CDYL2: variants seen among roughly 807,000 people sequenced by gnomAD.
The protein encoded by CDYL2 is chromodomain Y like 2, also known as chromodomain Y-like protein 2.
Under a neutral mutation model 49.4 loss-of-function variants are expected in CDYL2, and 23 were observed. That is an observed-to-expected ratio of 0.47 (90% CI 0.34 to 0.66). The LOEUF (loss-of-function observed/expected upper bound fraction) is 0.66. CDYL2 is among the 30% of genes least tolerant of loss of function. The pLI, the probability that CDYL2 is intolerant of heterozygous loss-of-function variation, is 0.01. For synonymous variants in CDYL2, 360 were observed against 268.8 expected, an observed-to-expected ratio of 1.34 and a Z score of -3.32; for missense variants, 678 against 656.4, an observed-to-expected ratio of 1.03 and a Z score of -0.36.
At chr16:80,697,244 C>T (rs1456045247) in intron 1 of CDYL2, among the ~76,000 whole-genome samples, 2 of 152,124 alleles carry the variant, frequency 1.3e-5, no homozygotes, top group Non-Finnish European at 2.9e-5. Flanking sequence ...TGGGATTTAT[C>T]CCAGTGATTC....
intron 1 of CDYL2, among the ~76,000 whole-genome samples, chr16:80,716,740 C>G (rs7201943): frequency 6.7e-6 from 1 of 149,306 alleles, no homozygotes; most frequent in African/African-American, 2.5e-5. Context: ...ATGGATGGAT[C>G]GATGGATGGA....
At chr16:80,660,319 A>G (rs955583656) in intron 2 of CDYL2, among the ~76,000 whole-genome samples, 8 of 152,064 alleles carry the variant, frequency 5.3e-5, no homozygotes, top group African/African-American at 1.7e-4. Flanking sequence ...TGTATAAAAT[A>G]ATAGTAAGAT....
At chr16:80,804,695 C>G (rs1445408744), upstream of CDYL2, among the ~76,000 whole-genome samples, 1 of 147,746 alleles carries the variant, frequency 6.8e-6, no homozygotes, top group Non-Finnish European at 1.5e-5. Context: ...GTCCCAGAGT[C>G]GACTAGCGCT....
intron 3 of CDYL2, among the ~76,000 whole-genome samples, chr16:80,630,669 C>T (rs2142388913): frequency 6.6e-6 from 1 of 152,254 alleles, no homozygotes; most frequent in Admixed American, 6.5e-5. Flanking sequence ...GCCCCCAAAA[C>T]ACCATGCTCA....
At chr16:80,725,097 T>C (rs1276241129) in intron 1 of CDYL2, among the ~76,000 whole-genome samples, 1 of 152,142 alleles carries the variant, frequency 6.6e-6, no homozygotes, top group African/African-American at 2.4e-5. Context: ...TTCTGTCCTT[T>C]CCCACCACAG....
intron 3 of CDYL2, among the ~76,000 whole-genome samples, chr16:80,621,998 C>T (rs1229171795): frequency 6.6e-6 from 1 of 152,206 alleles, no homozygotes; most frequent in African/African-American, 2.4e-5. Flanking sequence ...ACTATTCTTA[C>T]TTCCAGACCA....
At chr16:80,803,303 A>C (rs1411420192) in intron 1 of CDYL2, among the ~76,000 whole-genome samples, 1 of 152,070 alleles carries the variant, frequency 6.6e-6, no homozygotes, top group Admixed American at 6.5e-5. Context: ...GCTGGCCACT[A>C]CTCATTAGGA....
At chr16:80,644,999 T>G (rs1316164040) in intron 2 of CDYL2, among the ~76,000 whole-genome samples, 1 of 152,108 alleles carries the variant, frequency 6.6e-6, no homozygotes, top group East Asian at 1.9e-4. Flanking sequence ...CAAGATGGAT[T>G]AAAGACTTAA....
At chr16:80,697,153 C>T (rs920654146) in intron 1 of CDYL2, among the ~76,000 whole-genome samples, 7 of 152,170 alleles carry the variant, frequency 4.6e-5, no homozygotes, top group Non-Finnish European at 5.9e-5. Context: ...CCCTGATGAA[C>T]GTAGATGCAA....
chr16:80,688,578 C>T (rs1910291120), intron 1 of CDYL2, among the ~76,000 whole-genome samples: 1 of 152,118 alleles, frequency 6.6e-6, no homozygotes. Flanking sequence ...TTTGCAGGTT[C>T]AGAAAACACT....
At chr16:80,648,713 T>C (rs913159089) in intron 2 of CDYL2, among the ~76,000 whole-genome samples, 1 of 151,022 alleles carries the variant, frequency 6.6e-6, no homozygotes, top group African/African-American at 2.4e-5. Context: ...AGAAAACTAC[T>C]GGCCAGCATC....
intron 1 of CDYL2, 89 bp from the exon 2 acceptor site, chr16:80,685,218 G>C (rs1567570645): frequency 2.9e-6 from 3 of 1,035,734 alleles, no homozygotes; most frequent in Non-Finnish European, 4.3e-6. Context: ...AAAGCCTTTG[G>C]GATAGAGGCA....
intron 2 of CDYL2, among the ~76,000 whole-genome samples, chr16:80,673,494 T>C (rs11150300): frequency 0.51 from 77,959 of 152,062 alleles, 22,072 homozygotes; most frequent in Middle Eastern, 0.73. Context: ...TCTTCTAGCA[T>C]TGAAATAAGC....
At chr16:80,680,267 G>C (rs1055235874) in intron 2 of CDYL2, among the ~76,000 whole-genome samples, 1 of 152,170 alleles carries the variant, frequency 6.6e-6, no homozygotes, top group Non-Finnish European at 1.5e-5. Context: ...GAGATGCAAC[G>C]TCTGTGCAGC....
chr16:80,712,031 GTA>G (rs1162757448), intron 1 of CDYL2, among the ~76,000 whole-genome samples: 29 of 150,340 alleles, frequency 1.9e-4, no homozygotes, highest in Admixed American at 7.3e-4. Context: ...ATATATGTGT[GTA>G]TATATATGTG....
chr16:80,629,977 G>A (rs1370556889), intron 3 of CDYL2, among the ~76,000 whole-genome samples: 2 of 152,154 alleles, frequency 1.3e-5, no homozygotes, highest in Non-Finnish European at 2.9e-5. Context: ...TTTCTATAAA[G>A]GAGGAAGCTC....
intron 2 of CDYL2, among the ~76,000 whole-genome samples, chr16:80,681,766 C>T (rs969727706): frequency 3.3e-5 from 5 of 152,304 alleles, no homozygotes; most frequent in South Asian, 4.1e-4. Context: ...CAGCCTCGGG[C>T]GCCTTCTCAG....
chr16:80,688,763 T>C (rs1413323559), intron 1 of CDYL2, among the ~76,000 whole-genome samples: 4 of 152,216 alleles, frequency 2.6e-5, no homozygotes, highest in Non-Finnish European at 4.4e-5. Flanking sequence ...ACCTGAATTG[T>C]AATTTGTTCT....
chr16:80,662,740 C>CT, intron 2 of CDYL2: 1 of 455,942 alleles, frequency 2.2e-6, no homozygotes, highest in Non-Finnish European at 4.4e-6. Flanking sequence ...AAATATAACT[C>CT]TAACCACCTG....
Sources: gnomAD v4.1 joint callset for allele counts (sites outside exome capture counted in the v4.1 genomes callset) on GRCh38, gnomAD v4.1.1 for gene constraint, MANE v1.5 for transcripts, NCBI Gene and HGNC (gene_info 2026-07-23, HGNC 2026-07-21) for gene names.